MTMR9: variants seen among roughly 807,000 people sequenced by gnomAD.
The protein encoded by MTMR9 is myotubularin-related protein 9.
A neutral mutation model predicts 69.5 loss-of-function variants in MTMR9; 39 were observed. The ratio of observed to expected loss-of-function variants is 0.56; its 90% CI spans 0.43 to 0.73. The LOEUF (loss-of-function observed/expected upper bound fraction) is 0.73, where lower values mean the gene tolerates loss of function less well. Among genes scored for constraint, MTMR9 ranks in the 30% least tolerant of loss-of-function variants. The probability of loss-of-function intolerance (pLI) is 0.00; values close to 1 mark genes in which losing one functional copy is unlikely to be tolerated. For missense variants in MTMR9, 900 were observed against 671.2 expected, an observed-to-expected ratio of 1.34 and a Z score of -3.77; for synonymous variants, 354 against 240.8, an observed-to-expected ratio of 1.47 and a Z score of -4.35.
downstream of MTMR9, among the ~76,000 whole-genome samples, chr8:11,330,629 G>A (rs1801176469): frequency 6.6e-6 from 1 of 152,146 alleles, no homozygotes; most frequent in African/African-American, 2.4e-5. Context: ...CCAGCCCTGT[G>A]CTCTCTGGGG....
chr8:11,332,588 G>T (rs1801279792), downstream of MTMR9, among the ~76,000 whole-genome samples: 1 of 144,834 alleles, frequency 6.9e-6, no homozygotes, highest in African/African-American at 2.5e-5. Context: ...GATAGAGTTT[G>T]TTTGTTTTTT....
intron 9 of MTMR9, chr8:11,321,303 G>A (rs1202930895): frequency 7.6e-6 from 3 of 393,276 alleles, no homozygotes; most frequent in South Asian, 5.6e-5. Context: ...CGTGATTGTC[G>A]TCACAGTCAG....
downstream of MTMR9, chr8:11,331,183 G>T: frequency 6.2e-7 from 1 of 1,613,562 alleles, no homozygotes; most frequent in Non-Finnish European, 8.5e-7. Context: ...CCCAGCCTCC[G>T]CTGGCACCAG....
At chr8:11,311,687 C>T (rs866860914) in intron 6 of MTMR9, among the ~76,000 whole-genome samples, 15 of 152,276 alleles carry the variant, frequency 9.9e-5, no homozygotes, top group Admixed American at 3.3e-4. Flanking sequence ...CTTTGAATGG[C>T]TGTGGCAATT....
intron 4 of MTMR9, among the ~76,000 whole-genome samples, 194 bp downstream of exon 4, chr8:11,305,208 C>G (rs1799894760): frequency 6.6e-6 from 1 of 152,150 alleles, no homozygotes; most frequent in Non-Finnish European, 1.5e-5. Context: ...ATGCTGAATT[C>G]TTTCCATGAT....
chr8:11,331,156 C>A (rs373728141), downstream of MTMR9: 1 of 1,611,804 alleles, frequency 6.2e-7, no homozygotes. Flanking sequence ...ACACACCCAT[C>A]GCCGCCCTCC....
At chr8:11,299,981 G>T in intron 2 of MTMR9, 42 bp from the exon 3 acceptor site, 1 of 1,595,662 alleles carries the variant, frequency 6.3e-7, no homozygotes. Context: ...GTTTCCAGTT[G>T]TGGATGTTTC....
At chr8:11,317,079 A>T (rs1800451034) in intron 8 of MTMR9, 186 bp downstream of exon 8, 1 of 417,654 alleles carries the variant, frequency 2.4e-6, no homozygotes, top group South Asian at 7.8e-5. Flanking sequence ...CATGTCCTAG[A>T]CTTTGTTCTG....
chr8:11,300,199 A>C, intron 3 of MTMR9, 51 bp downstream of exon 3: 1 of 1,591,806 alleles, frequency 6.3e-7, no homozygotes. Context: ...CCAATACCTT[A>C]TTTGACTTGT....
intron 9 of MTMR9, among the ~76,000 whole-genome samples, chr8:11,322,283 G>A (rs910622882): frequency 6.6e-6 from 1 of 152,178 alleles, no homozygotes; most frequent in Non-Finnish European, 1.5e-5. Context: ...GATTTATATT[G>A]TGAAATTGGA....
In MTMR9 at chr8:11,306,778, A is replaced by G. The variant is rs78249354; in HGVS notation, c.809+371A>G. 3.0e-3 allele frequency among the ~76,000 whole-genome samples: 459 copies of G among 152,348 alleles called. 2 individuals carry two copies. The highest frequency in any genetic ancestry group is 0.011 in the African/African-American group (439 of 41,568). ...GTTTTAACTACAGTTACCATGCTGT[A>G]CAATAGACCTACAGAACTAATTCCT... On this transcript the variant is annotated intron_variant, in intron 5 of 9. Transcript: ENST00000221086.
chr8:11,305,010 G>C lies in MTMR9; in HGVS notation c.587G>C (p.Gly196Ala). ...PVLSYYHKKN[G>A]MVIMRSGQPL... ...CTAAGCTATTACCACAAAAAAAATGGGATGGTAAGTGCACAGCACTACTGC... is the reference window on the plus strand; with the variant it reads ...CTAAGCTATTACCACAAAAAAAATGCGATGGTAAGTGCACAGCACTACTGC... Residue 196 changes from glycine (G) to alanine (A), a missense_variant, in exon 4 of 10, where the codon GGG becomes GCG. By Grantham distance (60) the Gly-to-Ala change is moderately conservative. Coordinates refer to ENST00000221086, the MANE Select transcript of MTMR9 (RefSeq NM_015458.4). 6.2e-7 allele frequency: 1 copy of C among 1,613,798 alleles called. No homozygotes were observed. Among genetic ancestry groups the C allele is most frequent in the Non-Finnish European group, 8.5e-7 (1 of 1,179,834 alleles).
Position 11,286,472 on chromosome 8 carries a change from C to T in MTMR9, c.182+1402C>T, listed in dbSNP as rs531054793. On this transcript the variant is annotated intron_variant, in intron 1 of 9. Coordinates refer to ENST00000221086, the MANE Select transcript of MTMR9 (RefSeq NM_015458.4). Reference sequence around the variant, plus strand: ...CTGAGGTTAGGAGTTTGAGACCAGCCTGACCAACATGATGAAAGCCCGTCT... The same window carrying T: ...CTGAGGTTAGGAGTTTGAGACCAGCTTGACCAACATGATGAAAGCCCGTCT... Among the ~76,000 whole-genome samples the T allele has an allele frequency of 3.6e-3, 552 of 151,630 alleles. 3 individuals carry two copies. The highest frequency in any genetic ancestry group is 0.013 in the African/African-American group (528 of 41,368).
chr8:11,313,166 T>C (rs1449345532), intron 6 of MTMR9, among the ~76,000 whole-genome samples: 4 of 152,248 alleles, frequency 2.6e-5, no homozygotes, highest in East Asian at 1.9e-4. Flanking sequence ...GAGAGTTTGC[T>C]TCTTTCCTTA....
rs1267116993 is a variant in MTMR9 at position 11,305,148 on chromosome 8, T to G, written c.591+134T>G. On this transcript the variant is annotated intron_variant, in intron 4 of 9. Coordinates refer to ENST00000221086, the MANE Select transcript of MTMR9 (RefSeq NM_015458.4). ...GTCTCCACCACAAGGGCTTCCTTCA[T>G]GTAAGCTTTAGGGAATCAGGAGTAG... 2.8e-5 allele frequency: 23 copies of G among 823,312 alleles called. No homozygotes were observed. The East Asian group carries it at 5.9e-4, about 21-fold the overall frequency. 51.0% of individuals were successfully genotyped at this position (823,312 alleles called of 1,614,324 possible).
At chr8:11,288,650 A>G (rs1799277180) in intron 1 of MTMR9, among the ~76,000 whole-genome samples, 1 of 152,182 alleles carries the variant, frequency 6.6e-6, no homozygotes, top group Non-Finnish European at 1.5e-5. Flanking sequence ...CAGAGAGTAC[A>G]GGAAGTTGAT....
At chr8:11,339,395 C>T in the MTMR9 span, among the ~76,000 whole-genome samples, 2 of 152,346 alleles carry the variant, frequency 1.3e-5, no homozygotes, top group Middle Eastern at 6.8e-3. Context: ...TATTCATTCT[C>T]TATCACAATA....
At chr8:11,329,703 G>T (rs1801117957), downstream of MTMR9, among the ~76,000 whole-genome samples, 1 of 152,256 alleles carries the variant, frequency 6.6e-6, no homozygotes, top group Admixed American at 6.5e-5. Context: ...GCCTCCCAAA[G>T]TGCTGAGATT....
intron 5 of MTMR9, among the ~76,000 whole-genome samples, chr8:11,306,674 C>T (rs747100723): frequency 6.6e-6 from 1 of 152,138 alleles, no homozygotes; most frequent in Non-Finnish European, 1.5e-5. Flanking sequence ...CCTATCACGT[C>T]GCATAGTTAT....
Sources: allele counts gnomAD v4.1 joint callset (sites outside exome capture counted in the v4.1 genomes callset), GRCh38; gene constraint gnomAD v4.1.1; transcripts MANE v1.5; gene names NCBI Gene and HGNC (gene_info 2026-07-23, HGNC 2026-07-21).